Variants in TGFB3 observed in about 807,000 individuals in gnomAD.
TGFB3 encodes the protein transforming growth factor beta 3.
TGFB3 carries 5 observed loss-of-function variants against 40.1 expected under a neutral mutation model. The ratio of observed to expected loss-of-function variants is 0.12; its 90% confidence interval spans 0.07 to 0.26. The LOEUF (loss-of-function observed/expected upper bound fraction) is 0.26. Ranked by LOEUF, TGFB3 falls within the 10% of genes least tolerant of loss-of-function variation. The pLI is 1.00. For synonymous variants in TGFB3, 184 were observed against 205.6 expected (o/e 0.89, Z 0.90); for missense variants, 373 against 530.1 (o/e 0.70, Z 2.91).
In TGFB3 at chr14:75,959,097, CAGTG is replaced by C; in HGVS notation, c.*86_*89del. ...CGAAGGTTGTGGGCTCCAGGCCTCTCAGTGAGGTTTGTTGCTTGTGTGTTTCCCG... is the reference window on the plus strand; with the variant it reads ...CGAAGGTTGTGGGCTCCAGGCCTCTCAGGTTTGTTGCTTGTGTGTTTCCCG... On this transcript the variant is annotated 3_prime_UTR_variant, in exon 7 of 7. Transcript: ENST00000238682. 1 of 1,561,664 alleles carries C rather than the reference CAGTG, an allele frequency of 6.4e-7. No homozygotes were observed. Among genetic ancestry groups the C allele is most frequent in the Non-Finnish European group, 8.8e-7 (1 of 1,134,028 alleles).
intron 4 of TGFB3, among the ~76,000 whole-genome samples, chr14:75,964,556 C>T (rs1174539136): frequency 5.3e-5 from 8 of 152,140 alleles, no homozygotes; most frequent in Non-Finnish European, 1.2e-4. Context: ...AACTGTTGTC[C>T]ATCCTCACTG....
At chr14:75,968,770 G>T (rs923610278) in intron 3 of TGFB3, among the ~76,000 whole-genome samples, 7 of 152,126 alleles carry the variant, frequency 4.6e-5, no homozygotes. Context: ...CCCACCATCT[G>T]CCAACTCAGC....
At position 75,980,456 on chromosome 14, in the gene TGFB3, G is replaced by A. The variant is rs2035410794; in HGVS notation, c.352+86C>T. The A allele has an allele frequency of 1.2e-5, 17 of 1,362,168 alleles. No homozygotes were observed. The South Asian group carries it at 2.0e-4, about 16-fold the overall frequency. The allele number at this position is 1,362,168 out of a possible 1,614,324, so 84.4% of individuals were successfully genotyped here. ...TGAATCCTGGGGCACCCTGCTGTGT[G>A]GCCAGCACTAGGCCCCCCTCTGCAG... On this transcript the variant is annotated intron_variant, in intron 1 of 6. Transcript: ENST00000238682. This position sits in a 1 kb window ranked among gnomAD's most constrained non-coding sequence, Gnocchi z 4.3.
Position 75,963,357 on chromosome 14 carries a change from AC to A in TGFB3, c.884del (p.Gly295ValfsTer74). The A allele has an allele frequency of 6.2e-7, 1 of 1,612,934 alleles. No homozygotes were observed. Among genetic ancestry groups the A allele is most frequent in the Non-Finnish European group, 8.5e-7 (1 of 1,179,768 alleles). On this transcript the variant is annotated frameshift_variant, in exon 5 of 7. Transcript: ENST00000238682. LOFTEE classifies it high-confidence loss of function. ...PHRLDNPGQG[G>X]QRKKRALDTN... ...TGTCCAAAGCCCGCTTCTTCCTCTG[AC>A]CCCCCTGGCCCGGGTTGTCGAGCCG... is the stretch of plus-strand genomic sequence containing the variant.
At position 75,963,502 on chromosome 14, in the gene TGFB3, GA is replaced by G. The variant is rs904075418; in HGVS notation, c.755-16del. The stretch of plus-strand genomic sequence containing the variant: ...ATTGTCCACGCCTGAAGAAGGGAAG[GA>G]AAGTGACAATCTCCTGTCTGAAGAG... On this transcript the variant is annotated splice_polypyrimidine_tract_variant and intron_variant, in intron 4 of 6. Coordinates refer to ENST00000238682, the MANE Select transcript of TGFB3 (RefSeq NM_003239.5). 1 of 1,614,074 alleles carries G rather than the reference GA, an allele frequency of 6.2e-7. No homozygotes were observed. The highest frequency in any genetic ancestry group is 8.5e-7 in the Non-Finnish European group (1 of 1,180,026).
At chr14:75,975,489 G>T (rs2035343490) in intron 1 of TGFB3, among the ~76,000 whole-genome samples, 2 of 152,214 alleles carry the variant, frequency 1.3e-5, no homozygotes, top group South Asian at 4.1e-4. Context: ...TCTGTGGAAT[G>T]AATCATCGTA....
intron 1 of TGFB3, among the ~76,000 whole-genome samples, chr14:75,976,376 G>T (rs750987056): frequency 6.6e-6 from 1 of 152,200 alleles, no homozygotes; most frequent in Non-Finnish European, 1.5e-5. Context: ...GAGAACCACA[G>T]ATTATAATGT....
At chr14:75,963,194 G>A (rs927826017) in intron 5 of TGFB3, 122 bp downstream of exon 5, 3 of 1,091,986 alleles carry the variant, frequency 2.7e-6, no homozygotes, top group Non-Finnish European at 4.2e-6. Context: ...TCTTCTTCCT[G>A]GAGATGTTTG....
At position 75,981,019 on chromosome 14, in the gene TGFB3, AGAAGGTGCAT is replaced by A. The variant is rs2035424294; in HGVS notation, c.-136_-127del. 1.2e-6 allele frequency: 1 copy of A among 858,990 alleles called. No individual in the cohort carries two copies. The highest frequency in any genetic ancestry group is 1.9e-6 in the Non-Finnish European group (1 of 521,630). 53.2% of individuals were successfully genotyped at this position (858,990 alleles called of 1,614,324 possible). A position where few individuals can be genotyped will look rare whatever the true frequency, so the allele number is the denominator to read the frequency against. ...AGATCCCAAAGACTGAGGCTTGGCA[AGAAGGTGCAT>A]GAACTCACTGCACTGCGAGAGCTTC... On this transcript the variant is annotated 5_prime_UTR_variant, in exon 1 of 7. It removes an upstream start codon present in the reference 5' UTR. Transcript: ENST00000238682. The surrounding 1 kb of genome is among the most constrained non-coding windows in gnomAD (Gnocchi z 4.7).
rs1215615668 is a variant in TGFB3, at chr14:75,971,456, A to C, written c.516+99T>G. 3 of 1,569,678 alleles carry C rather than the reference A, an allele frequency of 1.9e-6. No individual in the cohort carries two copies. Among genetic ancestry groups the C allele is most frequent in the Non-Finnish European group, 2.6e-6 (3 of 1,153,168 alleles). On this transcript the variant is annotated intron_variant, in intron 2 of 6. Transcript: ENST00000238682. This position sits in a 1 kb window ranked among gnomAD's most constrained non-coding sequence, Gnocchi z 4.5. ...CGAAGGCTCAGAGAAGCCAGGATTC[A>C]AACCCAGGTCTGCCAAACGCTGCAC...
intron 4 of TGFB3, among the ~76,000 whole-genome samples, chr14:75,965,273 C>T (rs2035207661): frequency 6.6e-6 from 1 of 152,150 alleles, no homozygotes; most frequent in Non-Finnish European, 1.5e-5. Flanking sequence ...CATTTAATTG[C>T]CTGACAACAC....
rs779277167 is a variant in TGFB3 at position 75,971,707 on chromosome 14, C to T, written c.364G>A (p.Val122Ile). ...TTGGAGGTAATTCCTTTAGGGCAGACAGCCAGTTCGTCTAGGAGATAAAGC... is the reference window on the plus strand; with the variant it reads ...TTGGAGGTAATTCCTTTAGGGCAGATAGCCAGTTCGTCTAGGAGATAAAGC... Reference protein sequence around the residue: ...QGLAEHNELAVCPKGITSKVF... With the variant: ...QGLAEHNELAICPKGITSKVF... Residue 122 changes from valine to isoleucine, a missense_variant, in exon 2 of 7, where the codon GTC becomes ATC. Coordinates refer to ENST00000238682, the MANE Select transcript of TGFB3 (RefSeq NM_003239.5). The surrounding 1 kb of genome is among the most constrained non-coding windows in gnomAD (Gnocchi z 4.5). 1.9e-6 allele frequency: 3 copies of T among 1,614,236 alleles called. No individual in the cohort carries two copies. The South Asian group carries it at 3.3e-5, about 18-fold the overall frequency.
At chr14:75,964,282 G>A (rs1752379719) in intron 4 of TGFB3, among the ~76,000 whole-genome samples, 1 of 152,174 alleles carries the variant, frequency 6.6e-6, no homozygotes. Flanking sequence ...AATTTAAGGT[G>A]TCACAACTTA....
intron 4 of TGFB3, among the ~76,000 whole-genome samples, chr14:75,964,666 C>A (rs190175396): frequency 6.6e-6 from 1 of 152,164 alleles, no homozygotes; most frequent in Non-Finnish European, 1.5e-5. Context: ...ACCTGGATCA[C>A]AAATCCCTTT....
chr14:75,969,821 G>A (rs990537281), intron 3 of TGFB3, among the ~76,000 whole-genome samples: 1 of 152,154 alleles, frequency 6.6e-6, no homozygotes, highest in Non-Finnish European at 1.5e-5. Flanking sequence ...GAATGCTCTT[G>A]TGTCCTCACA....
intron 1 of TGFB3, among the ~76,000 whole-genome samples, chr14:75,974,818 G>T (rs900894288): frequency 6.6e-6 from 1 of 151,730 alleles, no homozygotes; most frequent in African/African-American, 2.4e-5. Flanking sequence ...CAGGCATGGT[G>T]GCTCACGCCT....
Position 75,978,504 on chromosome 14 carries a change from G to A in TGFB3, c.352+2038C>T, listed in dbSNP as rs1223277277. ...ACAGCTGCAGAGTCTGCCTGCTTCC[G>A]GTTTGTACCTGTGAGCCTCATAGCA... On this transcript the variant is annotated intron_variant, in intron 1 of 6. Coordinates refer to ENST00000238682, the MANE Select transcript of TGFB3 (RefSeq NM_003239.5). This position sits in a 1 kb window ranked among gnomAD's most constrained non-coding sequence, Gnocchi z 5.0. 4.6e-5 allele frequency among the ~76,000 whole-genome samples: 7 copies of A among 152,182 alleles called. No homozygotes were observed. The highest frequency in any genetic ancestry group is 7.3e-5 in the Non-Finnish European group (5 of 68,030).
intron 6 of TGFB3, chr14:75,960,380 C>T (rs3917211): frequency 0.79 from 133,527 of 168,118 alleles, 53,282 homozygotes; most frequent in African/African-American, 0.85. Flanking sequence ...GATGCAGAAA[C>T]AATGAGCTAG....
rs2035397393 is a variant in TGFB3, at chr14:75,979,631, G to A, written c.352+911C>T. ...GTGTACCAACACACACAGACATCTCGCCCAGAAGCCGCCCGGCTCCTCCAT... is the reference window on the plus strand; with the variant it reads ...GTGTACCAACACACACAGACATCTCACCCAGAAGCCGCCCGGCTCCTCCAT... On this transcript the variant is annotated intron_variant, in intron 1 of 6. Transcript: ENST00000238682. This position sits in a 1 kb window ranked among gnomAD's most constrained non-coding sequence, Gnocchi z 4.8. Among the ~76,000 whole-genome samples the A allele has an allele frequency of 6.6e-6, 1 of 151,430 alleles. No homozygotes were observed. The highest frequency in any genetic ancestry group is 2.1e-4 in the South Asian group (1 of 4,788).
Sources: allele counts gnomAD v4.1 joint callset (sites outside exome capture counted in the v4.1 genomes callset), GRCh38; gene constraint gnomAD v4.1.1; non-coding constraint Gnocchi (gnomAD v3.1); transcripts MANE v1.5; gene names NCBI Gene and HGNC (gene_info 2026-07-23, HGNC 2026-07-21).